DLC1: variants seen among roughly 807,000 people sequenced by gnomAD.
The protein encoded by DLC1 is rho GTPase-activating protein 7.
A neutral mutation model predicts 140.3 loss-of-function variants in DLC1; 54 were observed. The ratio of observed to expected loss-of-function variants is 0.38; its 90% CI spans 0.31 to 0.48. The LOEUF (loss-of-function observed/expected upper bound fraction) is 0.48, where lower values mean the gene tolerates loss of function less well. Ranked by LOEUF, DLC1 falls within the 20% of genes least tolerant of loss-of-function variation. The pLI, the probability that DLC1 is intolerant of heterozygous loss-of-function variation, is 0.96. For missense variants in DLC1, 2,536 were observed against 1,907.0 expected, an observed-to-expected ratio of 1.33 and a Z score of -6.14; for synonymous variants, 986 against 728.1, an observed-to-expected ratio of 1.35 and a Z score of -5.70.
intron 4 of DLC1, among the ~76,000 whole-genome samples, chr8:13,306,254 A>T (rs1034982683): frequency 6.6e-6 from 1 of 152,214 alleles, no homozygotes; most frequent in Non-Finnish European, 1.5e-5. Flanking sequence ...GATTTTTAAA[A>T]ATAGGGTTCA....
intron 5 of DLC1, among the ~76,000 whole-genome samples, chr8:13,152,097 C>T (rs920267969): frequency 6.6e-6 from 1 of 152,198 alleles, no homozygotes; most frequent in Non-Finnish European, 1.5e-5. Context: ...AATACAGTCT[C>T]AGGGTTGCTT....
At chr8:13,117,522 C>T (rs1045372070) in intron 5 of DLC1, among the ~76,000 whole-genome samples, 4 of 152,146 alleles carry the variant, frequency 2.6e-5, no homozygotes, top group African/African-American at 9.7e-5. Context: ...ATCTGTGTGC[C>T]TGCCCCCTCC....
intron 5 of DLC1, among the ~76,000 whole-genome samples, chr8:13,207,737 C>G (rs1827741701): frequency 6.6e-6 from 1 of 152,072 alleles, no homozygotes; most frequent in African/African-American, 2.4e-5. Flanking sequence ...GGCTGTCACA[C>G]CTGGGGGAGG....
intron 4 of DLC1, among the ~76,000 whole-genome samples, chr8:13,353,119 G>T (rs1834751269): frequency 6.6e-6 from 1 of 152,182 alleles, no homozygotes; most frequent in Non-Finnish European, 1.5e-5. Context: ...GTGGCTGAAA[G>T]GTGGCTATAC....
At chr8:13,467,901 G>T (rs926372771) in intron 2 of DLC1, among the ~76,000 whole-genome samples, 7 of 152,000 alleles carry the variant, frequency 4.6e-5, no homozygotes, top group Non-Finnish European at 8.8e-5. Flanking sequence ...ATTTATTCCT[G>T]GGATAAACCC....
intron 1 of DLC1, among the ~76,000 whole-genome samples, chr8:13,588,958 G>C (rs555111034): frequency 6.6e-6 from 1 of 152,066 alleles, no homozygotes; most frequent in Admixed American, 6.6e-5. Flanking sequence ...GTGACAGATG[G>C]AGTCAGATTG....
intron 5 of DLC1, among the ~76,000 whole-genome samples, chr8:13,173,319 T>C (rs1194253676): frequency 6.6e-6 from 1 of 152,102 alleles, no homozygotes; most frequent in Non-Finnish European, 1.5e-5. Flanking sequence ...TATTTAACTT[T>C]TGATGCTTCT....
At chr8:13,554,231 T>C (rs1803967033) in intron 1 of DLC1, among the ~76,000 whole-genome samples, 1 of 152,154 alleles carries the variant, frequency 6.6e-6, no homozygotes, top group South Asian at 2.1e-4. Flanking sequence ...CACACCCTGC[T>C]AATTTTTGTA....
intron 7 of DLC1, 150 bp from the exon 8 acceptor site, chr8:13,103,003 A>G (rs139095926): frequency 7.4e-6 from 5 of 673,864 alleles, no homozygotes; most frequent in Non-Finnish European, 1.2e-5. Context: ...AACTTATTTA[A>G]AAAGTGAGTC....
At chr8:13,483,426 T>A (rs892553414) in intron 2 of DLC1, among the ~76,000 whole-genome samples, 5 of 152,194 alleles carry the variant, frequency 3.3e-5, no homozygotes, top group African/African-American at 1.2e-4. Flanking sequence ...TGACAGGTGC[T>A]ATGCTAGGGC....
intron 5 of DLC1, among the ~76,000 whole-genome samples, chr8:13,241,367 G>A (rs1829537252): frequency 6.6e-6 from 1 of 152,180 alleles, no homozygotes; most frequent in Non-Finnish European, 1.5e-5. Flanking sequence ...CATCACACAT[G>A]TATAGAAGTT....
At chr8:13,263,450 GTAAGA>G (rs1830548161) in intron 5 of DLC1, among the ~76,000 whole-genome samples, 1 of 152,000 alleles carries the variant, frequency 6.6e-6, no homozygotes, top group Admixed American at 6.5e-5. Flanking sequence ...AGAAACCACA[GTAAGA>G]TAAGAGAAAT....
chr8:13,342,077 T>C (rs1473075690), intron 4 of DLC1: 1 of 152,236 alleles, frequency 6.6e-6, no homozygotes, highest in Non-Finnish European at 1.5e-5. Flanking sequence ...ATTCATTCTG[T>C]GAATTCCAAA....
rs767887314 is a variant in DLC1, at chr8:13,083,769, G to A, written c.*2042C>T. The stretch of plus-strand genomic sequence containing the variant: ...CTGTTTGGGAGTGGGTGGCTCAGTT[G>A]CAGTTTGGCCTTGGAATGATTTGCA... On this transcript the variant is annotated 3_prime_UTR_variant, in exon 18 of 18. Transcript: ENST00000276297. 10 of 152,624 alleles carry A rather than the reference G, an allele frequency of 6.6e-5. No individual in the cohort carries two copies. The highest frequency in any genetic ancestry group is 1.3e-4 in the Non-Finnish European group (9 of 68,042). 9.5% of individuals were successfully genotyped at this position (152,624 alleles called of 1,614,324 possible). A position where few individuals can be genotyped will look rare whatever the true frequency, so the allele number is the denominator to read the frequency against.
chr8:13,415,704 A>G (rs889505501), intron 2 of DLC1, among the ~76,000 whole-genome samples: 2 of 152,044 alleles, frequency 1.3e-5, no homozygotes, highest in Non-Finnish European at 2.9e-5. Context: ...CGGCTGATTT[A>G]ATTTTTATCT....
chr8:13,085,818 G>A lies in DLC1; in HGVS notation c.4580C>T (p.Ser1527Phe), dbSNP rs1262184718. Residue 1527 changes from serine (S) to phenylalanine (F), a missense_variant, in exon 18 of 18, where the codon TCT (serine) becomes TTT (phenylalanine). Ser to Phe is a radical substitution (Grantham distance 155). Coordinates refer to ENST00000276297, the MANE Select transcript of DLC1 (RefSeq NM_182643.3). Reference protein sequence around the residue: ...NQNTETKDTKSR With the variant: ...NQNTETKDTKFR The stretch of plus-strand genomic sequence containing the variant: ...GTTGCGTTGCTTCAGTGATCACCTA[G>A]ATTTGGTGTCTTTGGTTTCAGTGTT... 11 of 1,614,016 alleles carry A rather than the reference G, an allele frequency of 6.8e-6. No homozygotes were observed. Among genetic ancestry groups the A allele is most frequent in the South Asian group, 1.1e-5 (1 of 91,082 alleles).
chr8:13,191,368 G>A (rs765061320), intron 5 of DLC1, among the ~76,000 whole-genome samples: 7 of 152,148 alleles, frequency 4.6e-5, no homozygotes, highest in East Asian at 1.9e-4. Flanking sequence ...TCAACCAGGC[G>A]TGGTGGCCTG....
At chr8:13,215,342 T>G (rs1418806841) in intron 5 of DLC1, among the ~76,000 whole-genome samples, 1 of 152,182 alleles carries the variant, frequency 6.6e-6, no homozygotes, top group Admixed American at 6.5e-5. Flanking sequence ...TCCCAACATT[T>G]TGGGAGGCCG....
intron 5 of DLC1, among the ~76,000 whole-genome samples, chr8:13,168,895 T>A (rs916028483): frequency 7.9e-5 from 12 of 152,228 alleles, no homozygotes; most frequent in African/African-American, 2.9e-4. Context: ...TGTTTCCTGA[T>A]GGTGACCCTG....
Sources: gnomAD v4.1 joint callset for allele counts (sites outside exome capture counted in the v4.1 genomes callset) on GRCh38, gnomAD v4.1.1 for gene constraint, MANE v1.5 for transcripts, NCBI Gene and HGNC (gene_info 2026-07-23, HGNC 2026-07-21) for gene names.